The following MVB12B variants were observed in gnomAD, a reference collection of about 807,000 sequenced individuals.
The protein encoded by MVB12B is multivesicular body subunit 12B, also known as ESCRT-I complex subunit MVB12B.
MVB12B carries 16 observed loss-of-function variants against 41.6 expected under a neutral mutation model. The observed-to-expected ratio is 0.38, with a 90% confidence interval of 0.26 to 0.58. The LOEUF (loss-of-function observed/expected upper bound fraction) is 0.58, where lower values mean the gene tolerates loss of function less well. Ranked by LOEUF, MVB12B falls within the 20% of genes least tolerant of loss-of-function variation. The pLI, the probability that MVB12B is intolerant of heterozygous loss-of-function variation, is 0.62. For missense variants in MVB12B, 274 were observed against 380.2 expected (o/e 0.72, Z 2.32); for synonymous variants, 133 against 139.7 (o/e 0.95, Z 0.34).
At chr9:126,439,697 G>T (rs1423357656) in intron 7 of MVB12B, among the ~76,000 whole-genome samples, 1 of 152,150 alleles carries the variant, frequency 6.6e-6, no homozygotes, top group Non-Finnish European at 1.5e-5. Context: ...AACTCAAAAT[G>T]TATTTTTGTG....
chr9:126,502,030 AC>A (rs1564354870), intron 9 of MVB12B, among the ~76,000 whole-genome samples: 1 of 152,192 alleles, frequency 6.6e-6, no homozygotes, highest in East Asian at 1.9e-4. Flanking sequence ...TGGTCAGCTC[AC>A]CCATAGGGCA....
intron 7 of MVB12B, among the ~76,000 whole-genome samples, chr9:126,428,254 C>T (rs1588164822): frequency 6.6e-6 from 1 of 152,150 alleles, no homozygotes; most frequent in African/African-American, 2.4e-5. Flanking sequence ...CAGCCTTCTC[C>T]ATGCAGTTTT....
At chr9:126,396,067 A>T in intron 6 of MVB12B, 1 of 1,023,676 alleles carries the variant, frequency 9.8e-7, no homozygotes, top group Non-Finnish European at 1.2e-6. Flanking sequence ...CCAGCAACTC[A>T]TTTGAAACCC....
In MVB12B at chr9:126,380,908, A is replaced by C. The variant is rs539766776; in HGVS notation, c.205-156A>C. ...GTGTTTTTCACACCCTCCCTTTTGGAAAATCTCATCCCAGTGCCTAGTGAA... is the reference window on the plus strand; with the variant it reads ...GTGTTTTTCACACCCTCCCTTTTGGCAAATCTCATCCCAGTGCCTAGTGAA... On this transcript the variant is annotated intron_variant, in intron 2 of 9. Coordinates refer to ENST00000361171, the MANE Select transcript of MVB12B (RefSeq NM_033446.3). Among the ~76,000 whole-genome samples, 4 of 152,342 alleles carry C rather than the reference A, an allele frequency of 2.6e-5. No individual in the cohort carries two copies. The South Asian group carries it at 8.3e-4, about 32-fold the overall frequency.
intron 2 of MVB12B, among the ~76,000 whole-genome samples, chr9:126,352,272 C>A (rs541004267): frequency 1.3e-5 from 2 of 151,992 alleles, no homozygotes; most frequent in East Asian, 3.9e-4. Flanking sequence ...CCATCCTCTT[C>A]TGTTTTCTGG....
At chr9:126,401,154 C>T (rs937987389) in intron 6 of MVB12B, among the ~76,000 whole-genome samples, 2 of 152,188 alleles carry the variant, frequency 1.3e-5, no homozygotes, top group African/African-American at 2.4e-5. Flanking sequence ...AACACTGTCT[C>T]TCTTGGGGGA....
chr9:126,420,987 A>G (rs1030635126), intron 6 of MVB12B, among the ~76,000 whole-genome samples: 2 of 152,116 alleles, frequency 1.3e-5, no homozygotes, highest in Non-Finnish European at 2.9e-5. Context: ...GGGTGTGGCC[A>G]CAGGTTAGGC....
Position 126,478,480 on chromosome 9 carries a change from CG to C in MVB12B, c.758-2886del, listed in dbSNP as rs1833463031. 6.6e-6 allele frequency among the ~76,000 whole-genome samples: 1 copy of C among 152,150 alleles called. No homozygotes were observed. Among genetic ancestry groups the C allele is most frequent in the Admixed American group, 6.5e-5 (1 of 15,288 alleles). On this transcript the variant is annotated intron_variant, in intron 7 of 9. Coordinates refer to ENST00000361171, the MANE Select transcript of MVB12B (RefSeq NM_033446.3). This position sits in a 1 kb window ranked among gnomAD's most constrained non-coding sequence, Gnocchi z 4.2. ...ACCTACAATAAGAGGAGAGGAGACACGGGCCTGGCCAGACCCCAGGGAGGAC... is the reference window on the plus strand; with the variant it reads ...ACCTACAATAAGAGGAGAGGAGACACGGCCTGGCCAGACCCCAGGGAGGAC...
intron 7 of MVB12B, among the ~76,000 whole-genome samples, chr9:126,429,387 A>G (rs1832271399): frequency 6.6e-6 from 1 of 152,188 alleles, no homozygotes; most frequent in Non-Finnish European, 1.5e-5. Context: ...TCCGTACACA[A>G]CCATGTGTGT....
intron 7 of MVB12B, among the ~76,000 whole-genome samples, chr9:126,461,222 C>T (rs4836542): frequency 0.14 from 20,682 of 152,264 alleles, 1,850 homozygotes; most frequent in East Asian, 0.44. Context: ...TGTGCATGGC[C>T]GTCAGCACCC....
chr9:126,495,207 ATGAGAG>A (rs1833806165), intron 9 of MVB12B, among the ~76,000 whole-genome samples: 3 of 143,712 alleles, frequency 2.1e-5, no homozygotes, highest in Non-Finnish European at 4.6e-5. Context: ...AAAAAAAAAA[ATGAGAG>A]AGAGAGAAAG....
intron 7 of MVB12B, among the ~76,000 whole-genome samples, chr9:126,450,285 T>C (rs929206944): frequency 6.6e-6 from 1 of 152,208 alleles, no homozygotes; most frequent in Non-Finnish European, 1.5e-5. Context: ...GTCAGCCTAA[T>C]GGATGGCCGG....
chr9:126,358,406 T>C (rs1262642582), intron 2 of MVB12B, among the ~76,000 whole-genome samples: 2 of 152,182 alleles, frequency 1.3e-5, no homozygotes, highest in Non-Finnish European at 2.9e-5. Flanking sequence ...TCGCAGGTAG[T>C]TGACATCTTA....
intron 6 of MVB12B, among the ~76,000 whole-genome samples, chr9:126,411,226 A>G (rs1388124812): frequency 6.6e-6 from 1 of 152,218 alleles, no homozygotes; most frequent in African/African-American, 2.4e-5. Flanking sequence ...TGAAGCATAT[A>G]ACCATATTGT....
At chr9:126,434,109 G>A (rs1004636715) in intron 7 of MVB12B, among the ~76,000 whole-genome samples, 11 of 152,236 alleles carry the variant, frequency 7.2e-5, no homozygotes, top group African/African-American at 1.4e-4. Flanking sequence ...TTAGAACAAC[G>A]AAGCCACCTG....
At chr9:126,429,095 A>T (rs1043579452) in intron 7 of MVB12B, among the ~76,000 whole-genome samples, 1 of 152,178 alleles carries the variant, frequency 6.6e-6, no homozygotes, top group South Asian at 2.1e-4. Flanking sequence ...TCCTGAATGA[A>T]GTGAAAAGAT....
chr9:126,346,279 G>C (rs1829585197), intron 2 of MVB12B, among the ~76,000 whole-genome samples: 1 of 152,222 alleles, frequency 6.6e-6, no homozygotes, highest in Admixed American at 6.5e-5. Flanking sequence ...CAATGGACAT[G>C]TGAAGCAGTA....
intron 3 of MVB12B, among the ~76,000 whole-genome samples, chr9:126,385,211 T>C (rs1830746703): frequency 6.6e-6 from 1 of 152,146 alleles, no homozygotes; most frequent in Admixed American, 6.5e-5. Flanking sequence ...AGCAAGTAGT[T>C]ACTGAGCACC....
rs527397051 is a variant in MVB12B, at chr9:126,486,958, G to A, written c.873+2926G>A. 5.3e-5 allele frequency among the ~76,000 whole-genome samples: 8 copies of A among 152,264 alleles called. No individual in the cohort carries two copies. The highest frequency in any genetic ancestry group is 1.0e-4 in the Non-Finnish European group (7 of 68,010). On this transcript the variant is annotated intron_variant, in intron 9 of 9. Coordinates refer to ENST00000361171, the MANE Select transcript of MVB12B (RefSeq NM_033446.3). This position sits in a 1 kb window ranked among gnomAD's most constrained non-coding sequence, Gnocchi z 4.7. ...ACGGTCCCAGTGTGGGGTCCAGGGC[G>A]GGTGGTGGGAACCCTGCAAACCTTA...
Sources: allele counts gnomAD v4.1 joint callset (sites outside exome capture counted in the v4.1 genomes callset), GRCh38; gene constraint gnomAD v4.1.1; non-coding constraint Gnocchi (gnomAD v3.1); transcripts MANE v1.5; gene names NCBI Gene and HGNC (gene_info 2026-07-23, HGNC 2026-07-21).